Variants in LYNX1 observed in about 807,000 individuals in gnomAD.
LYNX1 encodes the protein ly-6/neurotoxin-like protein 1.
LYNX1 carries 8 observed loss-of-function variants against 8.3 expected under a neutral mutation model. That is an observed-to-expected ratio of 0.97 (90% CI 0.57 to 1.74). The LOEUF is 1.74. LYNX1 is among the 40% of genes most tolerant of loss of function. LYNX1 has a pLI of 0.00. For missense variants in LYNX1, 158 were observed against 159.7 expected (o/e 0.99, Z 0.06); for synonymous variants, 73 against 67.9 (o/e 1.08, Z -0.37).
rs1021869652 is a variant in LYNX1, at chr8:142,773,178, C to T, written c.*1989G>A. Reference sequence around the variant, plus strand: ...TAGGAGCCCAAAGCCGCCTCCCTCCCGGTAAGCATCCCAAGGCATCGCTGG... The same window carrying T: ...TAGGAGCCCAAAGCCGCCTCCCTCCTGGTAAGCATCCCAAGGCATCGCTGG... On this transcript the variant is annotated 3_prime_UTR_variant, in exon 4 of 4. Transcript: ENST00000652477. The T allele has an allele frequency of 8.8e-5, 87 of 985,668 alleles. No homozygotes were observed. Among genetic ancestry groups the T allele is most frequent in the African/African-American group, 4.9e-4 (28 of 57,374 alleles). 61.1% of individuals were successfully genotyped at this position (985,668 alleles called of 1,614,324 possible). A position where few individuals can be genotyped will look rare whatever the true frequency, so the allele number is the denominator to read the frequency against.
Position 142,771,433 on chromosome 8 carries a change from A to C in LYNX1, c.*3734T>G. 1.0e-6 allele frequency: 1 copy of C among 985,428 alleles called. No homozygotes were observed. The highest frequency in any genetic ancestry group is 1.7e-5 in the African/African-American group (1 of 57,338). The allele number at this position is 985,428 out of a possible 1,614,324, so 61.0% of individuals were successfully genotyped here. A position where few individuals can be genotyped will look rare whatever the true frequency, so the allele number is the denominator to read the frequency against. ...CCCCTTACTCCTCAAGATGCAAATG[A>C]AGCTCAGGGCTGGGCGGAAGCTGGC... is the stretch of plus-strand genomic sequence containing the variant. On this transcript the variant is annotated 3_prime_UTR_variant, in exon 4 of 4. Coordinates refer to ENST00000652477, the MANE Select transcript of LYNX1 (RefSeq NM_177477.4).
Position 142,772,604 on chromosome 8 carries a change from GGCTCCCATTGCCGGGCT to G in LYNX1, c.*2546_*2562del, listed in dbSNP as rs954546335. ...TCCTCTGTCAAAGGGGCAAGATAAT[GGCTCCCATTGCCGGGCT>G]GCTATACAGTGCTCAGGGCCACAGT... On this transcript the variant is annotated 3_prime_UTR_variant, in exon 4 of 4. Transcript: ENST00000652477. The G allele has an allele frequency of 1.4e-5, 14 of 985,446 alleles. No individual in the cohort carries two copies. In the Admixed American group the frequency reaches 5.5e-4, roughly 39 times the overall value. The allele number at this position is 985,446 out of a possible 1,614,324, so 61.0% of individuals were successfully genotyped here.
chr8:142,772,541 G>A lies in LYNX1; in HGVS notation c.*2626C>T. On this transcript the variant is annotated 3_prime_UTR_variant, in exon 4 of 4. Coordinates refer to ENST00000652477, the MANE Select transcript of LYNX1 (RefSeq NM_177477.4). ...GGTGAGTGAGCGAGGAGGCACTAGTGTGGGGCAGCTACTTCACCTCCCTGT... is the reference window on the plus strand; with the variant it reads ...GGTGAGTGAGCGAGGAGGCACTAGTATGGGGCAGCTACTTCACCTCCCTGT... 24 of 985,552 alleles carry A rather than the reference G, an allele frequency of 2.4e-5. No homozygotes were observed. The highest frequency in any genetic ancestry group is 2.9e-5 in the Non-Finnish European group (24 of 830,002). 61.1% of individuals were successfully genotyped at this position (985,552 alleles called of 1,614,324 possible). A position where few individuals can be genotyped will look rare whatever the true frequency, so the allele number is the denominator to read the frequency against.
At position 142,775,215 on chromosome 8, in the gene LYNX1, G is replaced by T. The variant is rs1234735778; in HGVS notation, c.303C>A (p.Thr101=). ...CNGTGLATPA[T]LALAPILLAT... ...CCAGGAGGATGGGGGCCAGGGCCAG[G>T]GTGGCCGGGGTGGCAAGGCCGGTGC... Residue 101 remains threonine (T), a synonymous_variant, in exon 4 of 4, where the codon ACC becomes ACA. Transcript: ENST00000652477. 1.2e-6 allele frequency: 2 copies of T among 1,613,156 alleles called. No homozygotes were observed. The highest frequency in any genetic ancestry group is 3.3e-5 in the Admixed American group (2 of 59,906).
chr8:142,775,518 C>T (rs1815376415), intron 3 of LYNX1, 75 bp downstream of exon 3: 1 of 1,554,356 alleles, frequency 6.4e-7, no homozygotes, highest in African/African-American at 1.4e-5. Context: ...CTCAGGACCC[C>T]CGCATGCTCA....
rs1815212372 is a variant in LYNX1, at chr8:142,772,217, G to C, written c.*2950C>G. 4.1e-6 allele frequency: 4 copies of C among 985,932 alleles called. No homozygotes were observed. The South Asian group carries it at 1.9e-4, about 46-fold the overall frequency. 61.1% of individuals were successfully genotyped at this position (985,932 alleles called of 1,614,324 possible). ...CAGGTCCACACAGACAGTGGCAACAGCTAGCCCTGGGCATCTACCCCCATG... is the reference window on the plus strand; with the variant it reads ...CAGGTCCACACAGACAGTGGCAACACCTAGCCCTGGGCATCTACCCCCATG... On this transcript the variant is annotated 3_prime_UTR_variant, in exon 4 of 4. Coordinates refer to ENST00000652477, the MANE Select transcript of LYNX1 (RefSeq NM_177477.4).
rs1815298101 is a variant in LYNX1 at position 142,774,155 on chromosome 8, C to T, written c.*1012G>A. 2.0e-6 allele frequency: 2 copies of T among 982,394 alleles called. No individual in the cohort carries two copies. The highest frequency in any genetic ancestry group is 4.7e-5 in the South Asian group (1 of 21,146). The allele number at this position is 982,394 out of a possible 1,614,324, so 60.9% of individuals were successfully genotyped here. A position where few individuals can be genotyped will look rare whatever the true frequency, so the allele number is the denominator to read the frequency against. On this transcript the variant is annotated 3_prime_UTR_variant, in exon 4 of 4. Coordinates refer to ENST00000652477, the MANE Select transcript of LYNX1 (RefSeq NM_177477.4). Reference sequence around the variant, plus strand: ...AGGGGCTGGGTCTCCGCCCTCCCCACCCCACCCTCCCCACTCCCGCCCCCG... The same window carrying T: ...AGGGGCTGGGTCTCCGCCCTCCCCATCCCACCCTCCCCACTCCCGCCCCCG...
At position 142,772,734 on chromosome 8, in the gene LYNX1, C is replaced by T; in HGVS notation, c.*2433G>A. On this transcript the variant is annotated 3_prime_UTR_variant, in exon 4 of 4. Transcript: ENST00000652477. ...GTGATTTCTGCCGGCGCTGCTGTGC[C>T]GGTTCCCTGGTGCTGCACAGCCACG... 2.0e-6 allele frequency: 2 copies of T among 985,568 alleles called. No individual in the cohort carries two copies. 61.1% of individuals were successfully genotyped at this position (985,568 alleles called of 1,614,324 possible).
Position 142,771,302 on chromosome 8 carries a change from AAGCACCTGGACCCC to A in LYNX1, c.*3851_*3864del. 2 of 985,556 alleles carry A rather than the reference AAGCACCTGGACCCC, an allele frequency of 2.0e-6. No individual in the cohort carries two copies. The highest frequency in any genetic ancestry group is 2.4e-6 in the Non-Finnish European group (2 of 830,004). The allele number at this position is 985,556 out of a possible 1,614,324, so 61.1% of individuals were successfully genotyped here. The stretch of plus-strand genomic sequence containing the variant: ...TTAGCAGCAGGGGCATGGCCCTGGG[AAGCACCTGGACCCC>A]AGAACATAAGACAGGAGGGAGAGAT... On this transcript the variant is annotated 3_prime_UTR_variant, in exon 4 of 4. Coordinates refer to ENST00000652477, the MANE Select transcript of LYNX1 (RefSeq NM_177477.4).
At chr8:142,777,488 C>T (rs1815475989), upstream of LYNX1, among the ~76,000 whole-genome samples, 12 of 125,018 alleles carry the variant, frequency 9.6e-5, no homozygotes, top group African/African-American at 3.3e-4. Flanking sequence ...CCCGGACCCG[C>T]CTCCTGGGCA....
Position 142,775,534 on chromosome 8 carries a change from A to G in LYNX1, c.154+59T>C, listed in dbSNP as rs587730944. The G allele has an allele frequency of 2.4e-5, 38 of 1,555,432 alleles. No homozygotes were observed. The South Asian group carries it at 4.1e-4, about 17-fold the overall frequency. The stretch of plus-strand genomic sequence containing the variant: ...TCAGGACCCCCGCATGCTCAGGGGC[A>G]GGGCAGAACCTCCCCTTCGTGCTCC... On this transcript the variant is annotated intron_variant, in intron 3 of 3. Coordinates refer to ENST00000652477, the MANE Select transcript of LYNX1 (RefSeq NM_177477.4).
At position 142,775,124 on chromosome 8, in the gene LYNX1, T is replaced by C. The variant is rs771558918; in HGVS notation, c.*43A>G. 3 of 1,587,364 alleles carry C rather than the reference T, an allele frequency of 1.9e-6. No individual in the cohort carries two copies. The highest frequency in any genetic ancestry group is 2.3e-5 in the South Asian group (2 of 87,964). On this transcript the variant is annotated 3_prime_UTR_variant, in exon 4 of 4. Coordinates refer to ENST00000652477, the MANE Select transcript of LYNX1 (RefSeq NM_177477.4). ...AGCTGGGTGCGAGGGTGTAGCAGTG[T>C]GTCTCGAGAGCTTTGTTCTTGAGTG... is the stretch of plus-strand genomic sequence containing the variant.
rs747226505 is a variant in LYNX1, at chr8:142,771,984, T to C, written c.*3183A>G. The stretch of plus-strand genomic sequence containing the variant: ...TAGCTCCGACTTCTCTAGTGGCTGA[T>C]TGCAGTTCCCAGAATGTATAACATC... On this transcript the variant is annotated 3_prime_UTR_variant, in exon 4 of 4. Transcript: ENST00000652477. The C allele has an allele frequency of 1.3e-5, 13 of 986,044 alleles. No homozygotes were observed. The highest frequency in any genetic ancestry group is 4.7e-5 in the South Asian group (1 of 21,296). The allele number at this position is 986,044 out of a possible 1,614,324, so 61.1% of individuals were successfully genotyped here.
Position 142,771,979 on chromosome 8 carries a change from G to C in LYNX1, c.*3188C>G. The C allele has an allele frequency of 1.0e-6, 1 of 986,024 alleles. No homozygotes were observed. Among genetic ancestry groups the C allele is most frequent in the Non-Finnish European group, 1.2e-6 (1 of 830,068 alleles). The allele number at this position is 986,024 out of a possible 1,614,324, so 61.1% of individuals were successfully genotyped here. ...TCCTGTAGCTCCGACTTCTCTAGTG[G>C]CTGATTGCAGTTCCCAGAATGTATA... On this transcript the variant is annotated 3_prime_UTR_variant, in exon 4 of 4. Coordinates refer to ENST00000652477, the MANE Select transcript of LYNX1 (RefSeq NM_177477.4).
Position 142,774,033 on chromosome 8 carries a change from A to C in LYNX1, c.*1134T>G. On this transcript the variant is annotated 3_prime_UTR_variant, in exon 4 of 4. Coordinates refer to ENST00000652477, the MANE Select transcript of LYNX1 (RefSeq NM_177477.4). ...GGGTGGGGTCCCTGGGAGTCCACAC[A>C]CCCAGCTGGGGCTTCCACCCTGCCC... The C allele has an allele frequency of 1.0e-6, 1 of 985,298 alleles. No homozygotes were observed. Among genetic ancestry groups the C allele is most frequent in the Non-Finnish European group, 1.2e-6 (1 of 829,944 alleles). The allele number at this position is 985,298 out of a possible 1,614,324, so 61.0% of individuals were successfully genotyped here. A position where few individuals can be genotyped will look rare whatever the true frequency, so the allele number is the denominator to read the frequency against.
rs1238400749 is a variant in LYNX1, at chr8:142,772,675, C to G, written c.*2492G>C. 1 of 985,484 alleles carries G rather than the reference C, an allele frequency of 1.0e-6. No homozygotes were observed. Among genetic ancestry groups the G allele is most frequent in the African/African-American group, 1.7e-5 (1 of 57,252 alleles). 61.0% of individuals were successfully genotyped at this position (985,484 alleles called of 1,614,324 possible). On this transcript the variant is annotated 3_prime_UTR_variant, in exon 4 of 4. Transcript: ENST00000652477. ...GTGGGGGGACCCACGTCCATCGCCA[C>G]CTTGATGCATACAACCCGGACAAGT...
rs1815221492 is a variant in LYNX1 at position 142,772,424 on chromosome 8, C to A, written c.*2743G>T. ...TTCCACTTTTCTCCTTTTAAGCTTT[C>A]CATTTTGTAAACTCACCTCCCCCTT... is the stretch of plus-strand genomic sequence containing the variant. On this transcript the variant is annotated 3_prime_UTR_variant, in exon 4 of 4. Transcript: ENST00000652477. 2 of 985,536 alleles carry A rather than the reference C, an allele frequency of 2.0e-6. No individual in the cohort carries two copies. The allele number at this position is 985,536 out of a possible 1,614,324, so 61.0% of individuals were successfully genotyped here.
At chr8:142,776,664 A>C (rs1016497447) in intron 1 of LYNX1, 1 of 153,058 alleles carries the variant, frequency 6.5e-6, no homozygotes, top group Non-Finnish European at 1.5e-5. Flanking sequence ...GTCCTCGGCC[A>C]CTGCAGAAGC....
At position 142,774,736 on chromosome 8, in the gene LYNX1, A is replaced by G; in HGVS notation, c.*431T>C. The G allele has an allele frequency of 1.9e-6, 2 of 1,026,384 alleles. No homozygotes were observed. Among genetic ancestry groups the G allele is most frequent in the South Asian group, 4.1e-5 (1 of 24,506 alleles). 63.6% of individuals were successfully genotyped at this position (1,026,384 alleles called of 1,614,324 possible). ...AGGCCTGGAGGAGCCTTTCCTCCTAAGAGTCTCCCCACCACCCCACCTGCG... is the reference window on the plus strand; with the variant it reads ...AGGCCTGGAGGAGCCTTTCCTCCTAGGAGTCTCCCCACCACCCCACCTGCG... On this transcript the variant is annotated 3_prime_UTR_variant, in exon 4 of 4. Coordinates refer to ENST00000652477, the MANE Select transcript of LYNX1 (RefSeq NM_177477.4).
Sources: gnomAD v4.1 joint callset for allele counts (sites outside exome capture counted in the v4.1 genomes callset) on GRCh38, gnomAD v4.1.1 for gene constraint, MANE v1.5 for transcripts, NCBI Gene and HGNC (gene_info 2026-07-23, HGNC 2026-07-21) for gene names.